Variants in NR3C1 observed in about 807,000 individuals in gnomAD.
The protein encoded by NR3C1 is nuclear receptor subfamily 3 group C member 1, also known as glucocorticoid receptor.
Under a neutral mutation model 74.0 loss-of-function variants are expected in NR3C1, and 14 were observed. The ratio of observed to expected loss-of-function variants is 0.19; its 90% CI spans 0.12 to 0.30. The LOEUF is 0.30. NR3C1 is among the 10% of genes least tolerant of loss of function. The pLI, the probability that NR3C1 is intolerant of heterozygous loss-of-function variation, is 1.00. For missense variants in NR3C1, 695 were observed against 909.8 expected, an observed-to-expected ratio of 0.76 and a Z score of 3.04; for synonymous variants, 308 against 332.5, an observed-to-expected ratio of 0.93 and a Z score of 0.80.
intron 2 of NR3C1, among the ~76,000 whole-genome samples, chr5:143,357,388 T>A (rs1270424170): frequency 6.6e-6 from 1 of 152,184 alleles, no homozygotes. Context: ...AAACTATATA[T>A]GGTATACAAA....
At position 143,400,502 on chromosome 5, in the gene NR3C1, G is replaced by A. The variant is rs764178904; in HGVS notation, c.338C>T (p.Ser113Phe). 8.1e-6 allele frequency: 13 copies of A among 1,614,118 alleles called. No homozygotes were observed. Among genetic ancestry groups the A allele is most frequent in the African/African-American group, 5.3e-5 (4 of 74,930 alleles). Residue 113 changes from serine (S) to phenylalanine (F), a missense_variant, in exon 2 of 9, where the codon TCC becomes TTC. Physicochemically the swap from Ser to Phe is radical, Grantham distance 155. Coordinates refer to ENST00000394464, the MANE Select transcript of NR3C1 (RefSeq NM_000176.3). The part of the protein sequence containing the change: ...GFPQQGQISL[S>F]SGETDLKLLE... ...AAGCTTTAAGTCTGTTTCCCCCGAG[G>A]AAAGGCTGATTTGGCCCTGCTGTGG...
At chr5:143,430,301 G>T (rs890260891) in intron 1 of NR3C1, among the ~76,000 whole-genome samples, 2 of 152,020 alleles carry the variant, frequency 1.3e-5, no homozygotes, top group African/African-American at 4.8e-5. Flanking sequence ...AATGTGTACT[G>T]AATAACTTCA....
At chr5:143,377,031 T>A (rs1241510517) in intron 2 of NR3C1, among the ~76,000 whole-genome samples, 1 of 152,174 alleles carries the variant, frequency 6.6e-6, no homozygotes, top group Admixed American at 6.5e-5. Flanking sequence ...GGCTCTTTTG[T>A]CTCAAAGTAT....
chr5:143,433,630 T>C (rs1751979844), intron 1 of NR3C1: 5 of 151,838 alleles, frequency 3.3e-5, no homozygotes, highest in African/African-American at 9.7e-5. Context: ...TCATCCCCCA[T>C]GTCCAATCCT....
At position 143,281,681 on chromosome 5, in the gene NR3C1, C is replaced by T; in HGVS notation, c.*208G>A. ...CTAATAAATTTCACCATCTACTCTCCCATCACTGAAAAGTGATGACGACTC... is the reference window on the plus strand; with the variant it reads ...CTAATAAATTTCACCATCTACTCTCTCATCACTGAAAAGTGATGACGACTC... On this transcript the variant is annotated 3_prime_UTR_variant, in exon 9 of 9. Coordinates refer to ENST00000394464, the MANE Select transcript of NR3C1 (RefSeq NM_000176.3). The T allele has an allele frequency of 1.8e-6, 1 of 549,296 alleles. No homozygotes were observed. The highest frequency in any genetic ancestry group is 2.1e-5 in the South Asian group (1 of 48,130). 34.0% of individuals were successfully genotyped at this position (549,296 alleles called of 1,614,324 possible).
chr5:143,401,260 C>G, intron 1 of NR3C1: 1 of 236,360 alleles, frequency 4.2e-6, no homozygotes, highest in Non-Finnish European at 8.4e-6. Context: ...ATTCCTACCT[C>G]TTTTCAATCA....
At position 143,279,283 on chromosome 5, in the gene NR3C1, ATTAT is replaced by A. The variant is rs1812759248; in HGVS notation, c.*2602_*2605del. 1 of 1,486,020 alleles carries A rather than the reference ATTAT, an allele frequency of 6.7e-7. No individual in the cohort carries two copies. Among genetic ancestry groups the A allele is most frequent in the Non-Finnish European group, 9.1e-7 (1 of 1,104,950 alleles). The allele number at this position is 1,486,020 out of a possible 1,614,324, so 92.1% of individuals were successfully genotyped here. ...GTTGTCGATGAGCATCAGTTGACTT[ATTAT>A]TGACAACGAAGTGCACATAATCTTC... On this transcript the variant is annotated 3_prime_UTR_variant, in exon 9 of 9. Coordinates refer to ENST00000394464, the MANE Select transcript of NR3C1 (RefSeq NM_000176.3).
At chr5:143,401,991 T>A (rs900572140) in intron 1 of NR3C1, among the ~76,000 whole-genome samples, 1 of 152,212 alleles carries the variant, frequency 6.6e-6, no homozygotes, top group African/African-American at 2.4e-5. Context: ...TGGGACACTA[T>A]AGTCAAATCC....
intron 1 of NR3C1, among the ~76,000 whole-genome samples, chr5:143,401,846 A>G (rs1840343065): frequency 6.6e-6 from 1 of 152,214 alleles, no homozygotes; most frequent in Admixed American, 6.5e-5. Context: ...AAAATGTTCA[A>G]AATAATTTTC....
At chr5:143,384,322 G>A (rs190342102) in intron 2 of NR3C1, among the ~76,000 whole-genome samples, 2 of 152,142 alleles carry the variant, frequency 1.3e-5, no homozygotes, top group Non-Finnish European at 1.5e-5. Context: ...TCTGCCCCCG[G>A]CCCCTCCTAA....
intron 1 of NR3C1, among the ~76,000 whole-genome samples, chr5:143,411,271 C>A (rs1841282760): frequency 6.6e-6 from 1 of 152,080 alleles, no homozygotes; most frequent in African/African-American, 2.4e-5. Flanking sequence ...TCTAGACTGA[C>A]AGAGTAGAAG....
At chr5:143,361,912 T>A (rs1017838749) in intron 2 of NR3C1, among the ~76,000 whole-genome samples, 1 of 152,206 alleles carries the variant, frequency 6.6e-6, no homozygotes, top group Admixed American at 6.5e-5. Flanking sequence ...GAAAGACCTC[T>A]AGTATTGAAT....
At chr5:143,404,907 AC>A (rs1477306813), upstream of NR3C1, among the ~76,000 whole-genome samples, 2 of 152,084 alleles carry the variant, frequency 1.3e-5, no homozygotes, top group Non-Finnish European at 2.9e-5. Context: ...CGTTCATAGG[AC>A]CCCTGCCCCT....
intron 2 of NR3C1, among the ~76,000 whole-genome samples, chr5:143,325,838 C>A (rs1824483805): frequency 6.6e-6 from 1 of 151,876 alleles, no homozygotes. Flanking sequence ...GTAACCTTAC[C>A]CCTAGAAGAT....
upstream of NR3C1, among the ~76,000 whole-genome samples, chr5:143,408,278 C>G (rs1841181500): frequency 6.6e-6 from 1 of 152,132 alleles, no homozygotes; most frequent in Admixed American, 6.5e-5. Context: ...CTCTCTGTGC[C>G]TTTTTCCATC....
rs909435494 is a variant in NR3C1 at position 143,403,364 on chromosome 5, G to T, written c.-167C>A. The T allele has an allele frequency of 3.5e-5, 34 of 985,342 alleles. No homozygotes were observed. The highest frequency in any genetic ancestry group is 1.0e-3 in the Middle Eastern group (2 of 1,934). The allele number at this position is 985,342 out of a possible 1,614,324, so 61.0% of individuals were successfully genotyped here. A position where few individuals can be genotyped will look rare whatever the true frequency, so the allele number is the denominator to read the frequency against. ...AACAGCCGCCCCTTTCTCCATGGGT[G>T]GGGGGAGAGCCCCTATTTAAGAAAG... is the stretch of plus-strand genomic sequence containing the variant. On this transcript the variant is annotated 5_prime_UTR_variant, in exon 1 of 9. Transcript: ENST00000394464.
upstream of NR3C1, chr5:143,404,432 C>T (rs1840928423): frequency 2.0e-6 from 2 of 985,492 alleles, no homozygotes; most frequent in Non-Finnish European, 2.4e-6. Context: ...ATCATCTGGG[C>T]GGCCGGGTCT....
At chr5:143,338,303 G>A (rs1253610879) in intron 2 of NR3C1, among the ~76,000 whole-genome samples, 4 of 150,908 alleles carry the variant, frequency 2.7e-5, no homozygotes, top group African/African-American at 9.7e-5. Flanking sequence ...TGTATTTACT[G>A]TATTATACTT....
rs578190025 is a variant in NR3C1, at chr5:143,335,812, C to T, written c.1185-21644G>A. Reference sequence around the variant, plus strand: ...TGGTTTTTCACTATTATAAATACCACTGTACACACCTTTGCAAATGTCTGA... The same window carrying T: ...TGGTTTTTCACTATTATAAATACCATTGTACACACCTTTGCAAATGTCTGA... On this transcript the variant is annotated intron_variant, in intron 2 of 8. Transcript: ENST00000394464. Among the ~76,000 whole-genome samples, 8 of 152,326 alleles carry T rather than the reference C, an allele frequency of 5.3e-5. No homozygotes were observed. The East Asian group carries it at 1.3e-3, about 26-fold the overall frequency.
Sources: gnomAD v4.1 joint callset for allele counts (sites outside exome capture counted in the v4.1 genomes callset) on GRCh38, gnomAD v4.1.1 for gene constraint, MANE v1.5 for transcripts, NCBI Gene and HGNC (gene_info 2026-07-23, HGNC 2026-07-21) for gene names.